TAF4B: variants seen among roughly 807,000 people sequenced by gnomAD.
TAF4B encodes the protein transcription initiation factor TFIID subunit 4B.
In TAF4B, 38 loss-of-function variants were observed where a neutral mutation model predicts 86.4. The ratio of observed to expected loss-of-function variants is 0.44; its 90% CI spans 0.34 to 0.58. The LOEUF is 0.58. Ranked by LOEUF, TAF4B falls within the 20% of genes least tolerant of loss-of-function variation. TAF4B has a pLI of 0.02. For synonymous variants in TAF4B, 388 were observed against 391.2 expected (o/e 0.99, Z 0.10); for missense variants, 988 against 1,027.6 (o/e 0.96, Z 0.53).
At position 26,338,097 on chromosome 18, in the gene TAF4B, C is replaced by T. The variant is rs1289981922; in HGVS notation, c.2316+2866C>T. On this transcript the variant is annotated intron_variant, in intron 13 of 14. Transcript: ENST00000269142. ...TATTTCTCATATAAATATTAAATCA[C>T]AATCTGAATCCCCTTCATTCCTAAT... Among the ~76,000 whole-genome samples the T allele has an allele frequency of 3.9e-5, 6 of 152,256 alleles. No homozygotes were observed. The East Asian group carries it at 1.2e-3, about 29-fold the overall frequency.
intron 1 of TAF4B, among the ~76,000 whole-genome samples, chr18:26,253,234 C>T (rs2144504009): frequency 6.6e-6 from 1 of 152,286 alleles, no homozygotes; most frequent in African/African-American, 2.4e-5. Flanking sequence ...ATCCATTTAT[C>T]AGGTTGAGAA....
rs756695933 is a variant in TAF4B, at chr18:26,286,171, C to T, written c.1262C>T (p.Thr421Ile). Residue 421 changes from threonine (T) to isoleucine (I), a missense_variant, in exon 7 of 15, where the codon ACA (threonine) becomes ATA (isoleucine). Physicochemically the swap from Thr to Ile is moderately conservative, Grantham distance 89 (BLOSUM62 -1). This residue lies in a region of TAF4B where 747 missense variants were observed against 737.9 expected (regional missense o/e 1.01). Coordinates refer to ENST00000269142, the MANE Select transcript of TAF4B (RefSeq NM_005640.3). ...CATTCTGTGGGCCCAACTGCTGCAA[C>T]AGGAGGAACAACAGCTGGAACTGGT... ...TLHSVGPTAA[T>I]GGTTAGTGLL... 6.2e-7 allele frequency: 1 copy of T among 1,614,094 alleles called. No individual in the cohort carries two copies. The highest frequency in any genetic ancestry group is 8.5e-7 in the Non-Finnish European group (1 of 1,180,048).
At chr18:26,299,739 C>G (rs544208093) in intron 9 of TAF4B, among the ~76,000 whole-genome samples, 3 of 152,094 alleles carry the variant, frequency 2.0e-5, no homozygotes, top group Non-Finnish European at 2.9e-5. Context: ...CATTTTAATG[C>G]CAATTTCATG....
intron 14 of TAF4B, among the ~76,000 whole-genome samples, chr18:26,388,380 T>C (rs144033461): frequency 9.8e-4 from 150 of 152,352 alleles, no homozygotes; most frequent in Admixed American, 2.4e-3. Flanking sequence ...TTTAAACCAG[T>C]ACATTCAGTT....
At chr18:26,347,314 T>C (rs2057207594) in intron 13 of TAF4B, among the ~76,000 whole-genome samples, 1 of 152,056 alleles carries the variant, frequency 6.6e-6, no homozygotes, top group Non-Finnish European at 1.5e-5. Flanking sequence ...TCATCACCAT[T>C]AGACAAGGCC....
At chr18:26,389,737 C>A (rs1978594859) in intron 14 of TAF4B, 108 bp from the exon 15 acceptor site, 5 of 1,178,634 alleles carry the variant, frequency 4.2e-6, no homozygotes, top group Admixed American at 2.4e-5. Flanking sequence ...ATCTCCAGTA[C>A]CTAACCCAGT....
intron 12 of TAF4B, among the ~76,000 whole-genome samples, chr18:26,332,294 G>A (rs2057056275): frequency 6.6e-6 from 1 of 152,136 alleles, no homozygotes; most frequent in Admixed American, 6.6e-5. Context: ...ATCATCTTCT[G>A]TGCTTTGATG....
chr18:26,329,218 T>A (rs2057032759), intron 12 of TAF4B, among the ~76,000 whole-genome samples: 1 of 152,038 alleles, frequency 6.6e-6, no homozygotes, highest in Admixed American at 6.6e-5. Flanking sequence ...CCACTACGCC[T>A]GGCTAAATTT....
chr18:26,316,242 G>A (rs1266322189), intron 10 of TAF4B, among the ~76,000 whole-genome samples: 1 of 152,056 alleles, frequency 6.6e-6, no homozygotes. Context: ...AAACGTGAAG[G>A]TTTCGATTTT....
intron 13 of TAF4B, among the ~76,000 whole-genome samples, chr18:26,350,552 T>C (rs1422476093): frequency 2.6e-5 from 4 of 152,288 alleles, no homozygotes; most frequent in East Asian, 1.9e-4. Context: ...GGCATAGGCC[T>C]GTAGTCCTAG....
intron 1 of TAF4B, among the ~76,000 whole-genome samples, chr18:26,249,414 A>C (rs944300739): frequency 6.6e-6 from 1 of 151,800 alleles, no homozygotes; most frequent in African/African-American, 2.4e-5. Context: ...CCAGGAGCAG[A>C]GGTTGCAGTG....
intron 14 of TAF4B, among the ~76,000 whole-genome samples, chr18:26,389,478 C>G (rs1978576558): frequency 6.6e-6 from 1 of 152,122 alleles, no homozygotes; most frequent in Non-Finnish European, 1.5e-5. Context: ...AAATCATCAC[C>G]ACAATCAAAG....
At chr18:26,386,728 C>T (rs572497852) in intron 14 of TAF4B, among the ~76,000 whole-genome samples, 21 of 152,256 alleles carry the variant, frequency 1.4e-4, no homozygotes, top group East Asian at 1.2e-3. Context: ...GTTACCCAGT[C>T]GTTATTGCTG....
intron 14 of TAF4B, among the ~76,000 whole-genome samples, chr18:26,360,454 T>C (rs2057321010): frequency 1.3e-5 from 2 of 152,328 alleles, no homozygotes; most frequent in South Asian, 4.1e-4. Context: ...CTGGGCTTTA[T>C]TCATCTAAAA....
intron 11 of TAF4B, among the ~76,000 whole-genome samples, chr18:26,325,431 A>G (rs1291668757): frequency 6.6e-6 from 1 of 152,038 alleles, no homozygotes; most frequent in South Asian, 2.1e-4. Context: ...AGGAAGGAAC[A>G]TAAGATTGGG....
intron 13 of TAF4B, among the ~76,000 whole-genome samples, chr18:26,339,082 A>C (rs1250380410): frequency 6.6e-6 from 1 of 152,124 alleles, no homozygotes; most frequent in East Asian, 1.9e-4. Flanking sequence ...ATGTCTGTGG[A>C]TATTCCTGTA....
At chr18:26,238,518 G>A (rs1433029618) in intron 1 of TAF4B, among the ~76,000 whole-genome samples, 2 of 151,952 alleles carry the variant, frequency 1.3e-5, no homozygotes, top group African/African-American at 4.8e-5. Context: ...GAGCCCGGGT[G>A]CCTAAAGAAG....
chr18:26,362,579 T>G (rs1262000468), intron 14 of TAF4B, among the ~76,000 whole-genome samples: 2 of 152,250 alleles, frequency 1.3e-5, no homozygotes, highest in Admixed American at 1.3e-4. Flanking sequence ...CCGAATGTGC[T>G]GTTTGTGTTC....
chr18:26,346,801 GTA>G (rs368950266), intron 13 of TAF4B, among the ~76,000 whole-genome samples: 2,746 of 18,208 alleles, frequency 0.15, 641 homozygotes, highest in Middle Eastern at 0.33. Context: ...ATATATATGT[GTA>G]TATATATATA....
Sources: allele counts gnomAD v4.1 joint callset (sites outside exome capture counted in the v4.1 genomes callset), GRCh38; gene constraint gnomAD v4.1.1; regional missense constraint gnomAD v4.1.1; transcripts MANE v1.5; gene names NCBI Gene and HGNC (gene_info 2026-07-23, HGNC 2026-07-21).